Variants in ZSWIM7 observed in about 807,000 individuals in gnomAD.
ZSWIM7 encodes the protein zinc finger SWIM-type containing 7, also known as zinc finger SWIM domain-containing protein 7.
Under a neutral mutation model 21.1 loss-of-function variants are expected in ZSWIM7, and 22 were observed. The observed-to-expected ratio is 1.04, with a 90% CI of 0.74 to 1.49. The LOEUF is 1.49. Among genes scored for constraint, ZSWIM7 ranks in the 40% most tolerant of loss-of-function variants. ZSWIM7 has a pLI of 0.00. For synonymous variants in ZSWIM7, 67 were observed against 66.5 expected (o/e 1.01, Z -0.04); for missense variants, 193 against 168.0 (o/e 1.15, Z -0.82).
At chr17:15,990,026 C>T (rs1170298142) in intron 2 of ZSWIM7, among the ~76,000 whole-genome samples, 1 of 152,074 alleles carries the variant, frequency 6.6e-6, no homozygotes, top group African/African-American at 2.4e-5. Flanking sequence ...CGAGACCATC[C>T]TGGCTAACAC....
chr17:15,988,295 C>T (rs1049911444), intron 2 of ZSWIM7, among the ~76,000 whole-genome samples: 1 of 151,960 alleles, frequency 6.6e-6, no homozygotes, highest in Non-Finnish European at 1.5e-5. Context: ...GGCATGTTGA[C>T]GGACATTTAT....
chr17:15,985,690 A>G (rs1048385043), intron 3 of ZSWIM7, among the ~76,000 whole-genome samples: 1 of 152,234 alleles, frequency 6.6e-6, no homozygotes, highest in African/African-American at 2.4e-5. Context: ...AAACTAAACC[A>G]GTGACTTAAG....
intron 1 of ZSWIM7, among the ~76,000 whole-genome samples, chr17:15,994,857 TGAC>T (rs1488136062): frequency 3.9e-5 from 6 of 152,124 alleles, no homozygotes; most frequent in African/African-American, 1.4e-4. Flanking sequence ...ACAACTATAG[TGAC>T]GTTCATATTC....
At chr17:15,995,402 G>T (rs1597442882) in intron 1 of ZSWIM7, among the ~76,000 whole-genome samples, 1 of 151,872 alleles carries the variant, frequency 6.6e-6, no homozygotes, top group East Asian at 1.9e-4. Context: ...AGAGTAGCTG[G>T]GATTACAGGC....
chr17:15,994,528 T>C (rs368888849), intron 1 of ZSWIM7, among the ~76,000 whole-genome samples: 7 of 152,182 alleles, frequency 4.6e-5, no homozygotes, highest in Admixed American at 1.3e-4. Context: ...TCGAGTACGT[T>C]TGAGAAGTAG....
At chr17:15,980,012 G>A (rs1282502915) in intron 4 of ZSWIM7, among the ~76,000 whole-genome samples, 5 of 145,320 alleles carry the variant, frequency 3.4e-5, no homozygotes, top group Admixed American at 6.8e-5. Context: ...TCTCCCGGAC[G>A]AGGCGGCTGG....
At chr17:15,987,245 C>T (rs773695638) in intron 3 of ZSWIM7, 21 bp downstream of exon 3, 3 of 1,592,012 alleles carry the variant, frequency 1.9e-6, no homozygotes, top group South Asian at 2.3e-5. Flanking sequence ...GTAGGGATCA[C>T]CCCCATCTCT....
chr17:15,981,478 G>A (rs4791658), intron 3 of ZSWIM7, among the ~76,000 whole-genome samples: 76,705 of 148,572 alleles, frequency 0.52, 19,967 homozygotes, highest in Middle Eastern at 0.6. Flanking sequence ...TGGGGGGGGG[G>A]AATCTCTCAT....
At chr17:15,997,930 G>A (rs1418982334) in intron 1 of ZSWIM7, among the ~76,000 whole-genome samples, 2 of 152,070 alleles carry the variant, frequency 1.3e-5, no homozygotes, top group East Asian at 1.9e-4. Context: ...GTGAAACCCC[G>A]TCTCTTCTAA....
At chr17:15,992,734 C>T (rs1190078977) in intron 2 of ZSWIM7, among the ~76,000 whole-genome samples, 3 of 151,928 alleles carry the variant, frequency 2.0e-5, no homozygotes, top group South Asian at 2.1e-4. Flanking sequence ...CCATTGCGCC[C>T]GGCCAACAGC....
At chr17:15,997,178 A>G (rs1031804755) in intron 1 of ZSWIM7, among the ~76,000 whole-genome samples, 7 of 151,974 alleles carry the variant, frequency 4.6e-5, no homozygotes, top group African/African-American at 2.4e-5. Flanking sequence ...AAGAGGTAGT[A>G]AACTGAGAAA....
intron 3 of ZSWIM7, 24 bp downstream of exon 3, chr17:15,987,242 T>A (rs1970423333): frequency 1.3e-6 from 2 of 1,580,544 alleles, no homozygotes; most frequent in Non-Finnish European, 1.7e-6. Flanking sequence ...TCTGTAGGGA[T>A]CACCCCCATC....
intron 2 of ZSWIM7, chr17:15,990,856 AAC>A (rs1970472952): frequency 6.6e-6 from 1 of 152,142 alleles, no homozygotes; most frequent in Non-Finnish European, 1.5e-5. Flanking sequence ...AATCAATCTC[AAC>A]AGTTACCTTT....
intron 1 of ZSWIM7, among the ~76,000 whole-genome samples, chr17:15,998,556 C>G (rs954484660): frequency 2.0e-5 from 3 of 152,086 alleles, no homozygotes; most frequent in African/African-American, 7.2e-5. Flanking sequence ...TTAGTCAATG[C>G]ATTTTGAGTA....
In ZSWIM7 at chr17:15,979,434, T is replaced by C. The variant is rs545746938; in HGVS notation, c.307-1271A>G. 1.5e-4 allele frequency among the ~76,000 whole-genome samples: 23 copies of C among 152,370 alleles called. 1 individual carries two copies. Among genetic ancestry groups the C allele is most frequent in the Non-Finnish European group, 2.2e-4 (15 of 68,044 alleles). On this transcript the variant is annotated intron_variant, in intron 4 of 4. Transcript: ENST00000399277. Reference sequence around the variant, plus strand: ...CCATCCAATTTCTCAATCTTTTCCCTACCTTTCCCTGCTTTCTATTCCACA... The same window carrying C: ...CCATCCAATTTCTCAATCTTTTCCCCACCTTTCCCTGCTTTCTATTCCACA...
rs28522419 is a variant in ZSWIM7, at chr17:15,992,116, G to A, written c.98+1641C>T. ...TAATTTTTGTATTTTTAGTAGAGACGGGGTTTCACCATGTTGGTCAGGCTG... is the reference window on the plus strand; with the variant it reads ...TAATTTTTGTATTTTTAGTAGAGACAGGGTTTCACCATGTTGGTCAGGCTG... On this transcript the variant is annotated intron_variant, in intron 2 of 4. Transcript: ENST00000399277. 2.2e-3 allele frequency among the ~76,000 whole-genome samples: 333 copies of A among 151,912 alleles called. 2 individuals carry two copies. Among genetic ancestry groups the A allele is most frequent in the African/African-American group, 7.6e-3 (314 of 41,420 alleles).
rs1970288576 is a variant in ZSWIM7 at position 15,977,234 on chromosome 17, G to A, written c.*813C>T. 6.6e-6 allele frequency: 1 copy of A among 152,110 alleles called. No homozygotes were observed. The highest frequency in any genetic ancestry group is 1.5e-5 in the Non-Finnish European group (1 of 68,032). 9.4% of individuals were successfully genotyped at this position (152,110 alleles called of 1,614,324 possible). A position where few individuals can be genotyped will look rare whatever the true frequency, so the allele number is the denominator to read the frequency against. ...AGCTTACAGAAACCAGAACCTCTAAGTCTTTTCATACCTGCTACTGTTTAG... is the reference window on the plus strand; with the variant it reads ...AGCTTACAGAAACCAGAACCTCTAAATCTTTTCATACCTGCTACTGTTTAG... On this transcript the variant is annotated 3_prime_UTR_variant, in exon 5 of 5. Transcript: ENST00000399277.
At chr17:15,981,722 G>C (rs1009549683) in intron 3 of ZSWIM7, among the ~76,000 whole-genome samples, 1 of 151,974 alleles carries the variant, frequency 6.6e-6, no homozygotes, top group Non-Finnish European at 1.5e-5. Flanking sequence ...GACCAGCATG[G>C]GCAACATGGT....
intron 2 of ZSWIM7, among the ~76,000 whole-genome samples, chr17:15,990,607 G>C (rs534055483): frequency 6.6e-6 from 1 of 152,210 alleles, no homozygotes; most frequent in Admixed American, 6.5e-5. Context: ...AAACTGAAAA[G>C]TTAATGTTTT....
Sources: allele counts gnomAD v4.1 joint callset (sites outside exome capture counted in the v4.1 genomes callset), GRCh38; gene constraint gnomAD v4.1.1; transcripts MANE v1.5; gene names NCBI Gene and HGNC (gene_info 2026-07-23, HGNC 2026-07-21).